Variants in GAS2 observed in about 807,000 individuals in gnomAD.
GAS2 encodes growth arrest specific 2, also known as growth arrest-specific protein 2.
Under a neutral mutation model 37.5 loss-of-function variants are expected in GAS2, and 20 were observed. That is an observed-to-expected ratio of 0.53 (90% CI 0.37 to 0.77). GAS2 has a LOEUF of 0.77. GAS2 is among the 30% of genes least tolerant of loss of function. GAS2 has a pLI of 0.00. For synonymous variants in GAS2, 144 were observed against 132.2 expected, an observed-to-expected ratio of 1.09 and a Z score of -0.61; for missense variants, 336 against 373.4, an observed-to-expected ratio of 0.90 and a Z score of 0.82.
At chr11:22,634,628 A>G (rs1488767551) in intron 1 of GAS2, among the ~76,000 whole-genome samples, 5 of 152,084 alleles carry the variant, frequency 3.3e-5, no homozygotes, top group Non-Finnish European at 7.4e-5. Context: ...TGAGGGCCAA[A>G]CTACTGTGAA....
At chr11:22,706,938 T>G (rs982726155) in intron 3 of GAS2, among the ~76,000 whole-genome samples, 28 of 152,270 alleles carry the variant, frequency 1.8e-4, no homozygotes, top group South Asian at 8.3e-4. Flanking sequence ...TGAACTAGTT[T>G]ACAGTCCCAC....
chr11:22,723,976 A>G (rs1852068085), intron 3 of GAS2, among the ~76,000 whole-genome samples: 1 of 151,974 alleles, frequency 6.6e-6, no homozygotes, highest in South Asian at 2.1e-4. Flanking sequence ...TAAAATAAGT[A>G]AATGTTCCTT....
At chr11:22,779,295 A>G (rs1855429093) in intron 7 of GAS2, among the ~76,000 whole-genome samples, 1 of 152,108 alleles carries the variant, frequency 6.6e-6, no homozygotes. Flanking sequence ...AAATGTGGGG[A>G]TGGTGCCCAC....
chr11:22,668,641 T>G lies in GAS2; in HGVS notation c.-21+1742T>G, dbSNP rs1471827712. ...TAGAAACTTCAGTTAAACCTCAAAC[T>G]TTCGAGTATGGTGAAATACCTGGTC... On this transcript the variant is annotated intron_variant, in intron 1 of 7. Coordinates refer to ENST00000454584, the MANE Select transcript of GAS2 (RefSeq NM_001143830.3). 6.0e-5 allele frequency among the ~76,000 whole-genome samples: 9 copies of G among 151,010 alleles called. No homozygotes were observed. The East Asian group carries it at 1.5e-3, about 26-fold the overall frequency.
intron 3 of GAS2, among the ~76,000 whole-genome samples, chr11:22,724,333 TG>T (rs1852091011): frequency 6.6e-6 from 1 of 151,992 alleles, no homozygotes; most frequent in African/African-American, 2.4e-5. Flanking sequence ...ATGTATTATA[TG>T]TCATTCTACC....
At chr11:22,769,433 G>A (rs1352784426) in intron 7 of GAS2, among the ~76,000 whole-genome samples, 1 of 152,188 alleles carries the variant, frequency 6.6e-6, no homozygotes, top group Non-Finnish European at 1.5e-5. Flanking sequence ...AATGTTAATT[G>A]ACATCTTGGC....
At chr11:22,668,789 G>A (rs1849088942) in intron 1 of GAS2, among the ~76,000 whole-genome samples, 1 of 152,182 alleles carries the variant, frequency 6.6e-6, no homozygotes, top group African/African-American at 2.4e-5. Context: ...GGCATGATGA[G>A]GCTGTAACTG....
At chr11:22,696,393 C>T (rs1274861968) in intron 3 of GAS2, among the ~76,000 whole-genome samples, 3 of 152,072 alleles carry the variant, frequency 2.0e-5, no homozygotes, top group South Asian at 2.1e-4. Context: ...AATAGTGCCA[C>T]GATAAACATA....
chr11:22,678,643 T>TC (rs910762296), intron 2 of GAS2, among the ~76,000 whole-genome samples: 1 of 152,060 alleles, frequency 6.6e-6, no homozygotes. Context: ...GTAATTTTTT[T>TC]CCTTTTATGT....
At chr11:22,787,517 AT>A (rs57131336) in intron 7 of GAS2, among the ~76,000 whole-genome samples, 55,204 of 151,556 alleles carry the variant, frequency 0.36, 10,866 homozygotes, top group South Asian at 0.57. Context: ...CACATTAAAT[AT>A]TTGTTACTTT....
chr11:22,627,094 T>C (rs1361023746), intron 1 of GAS2, among the ~76,000 whole-genome samples: 1 of 152,088 alleles, frequency 6.6e-6, no homozygotes, highest in African/African-American at 2.4e-5. Context: ...CGCCCGGCTA[T>C]TATTTGATTT....
chr11:22,694,487 G>A (rs1332093003), intron 3 of GAS2, among the ~76,000 whole-genome samples: 2 of 152,114 alleles, frequency 1.3e-5, no homozygotes, highest in Admixed American at 6.5e-5. Context: ...TCACCCTTTA[G>A]TGAAAAATAG....
intron 3 of GAS2, among the ~76,000 whole-genome samples, chr11:22,699,274 C>G (rs1036247870): frequency 2.0e-5 from 3 of 152,144 alleles, no homozygotes; most frequent in Non-Finnish European, 4.4e-5. Flanking sequence ...GTAATGATCT[C>G]AAGTCTTTAC....
intron 7 of GAS2, among the ~76,000 whole-genome samples, chr11:22,782,442 A>G (rs1483973091): frequency 2.0e-5 from 3 of 151,950 alleles, no homozygotes; most frequent in Non-Finnish European, 4.4e-5. Flanking sequence ...CAGAGAGTAT[A>G]TGTGTAGGTT....
chr11:22,763,986 T>TCATC (rs1239672992), intron 7 of GAS2, among the ~76,000 whole-genome samples: 1 of 152,218 alleles, frequency 6.6e-6, no homozygotes, highest in East Asian at 1.9e-4. Context: ...ATTTGTTTTG[T>TCATC]CATCCATTGA....
chr11:22,699,509 AATTAGACT>A, intron 3 of GAS2, among the ~76,000 whole-genome samples: 1 of 152,282 alleles, frequency 6.6e-6, no homozygotes, highest in Admixed American at 6.5e-5. Flanking sequence ...AGGGCTTAAG[AATTAGACT>A]ATTTGCAAGG....
intron 7 of GAS2, among the ~76,000 whole-genome samples, chr11:22,777,385 G>A (rs1171261718): frequency 6.6e-6 from 1 of 152,070 alleles, no homozygotes; most frequent in Admixed American, 6.6e-5. Context: ...AATAAAATAA[G>A]ACAAAATGAA....
chr11:22,790,372 T>C (rs1856086730), intron 7 of GAS2, among the ~76,000 whole-genome samples: 1 of 152,144 alleles, frequency 6.6e-6, no homozygotes, highest in African/African-American at 2.4e-5. Context: ...AAAAAAATAG[T>C]GAACTACTCA....
chr11:22,745,053 C>A (rs983833357), intron 5 of GAS2, among the ~76,000 whole-genome samples: 38 of 146,418 alleles, frequency 2.6e-4, no homozygotes, highest in African/African-American at 9.2e-4. Flanking sequence ...CACACCATTT[C>A]TATCAAACTG....
Sources: gnomAD v4.1 joint callset for allele counts (sites outside exome capture counted in the v4.1 genomes callset) on GRCh38, gnomAD v4.1.1 for gene constraint, MANE v1.5 for transcripts, NCBI Gene and HGNC (gene_info 2026-07-23, HGNC 2026-07-21) for gene names.